MAD1L1: variants seen among roughly 807,000 people sequenced by gnomAD.
The protein encoded by MAD1L1 is mitotic arrest deficient 1 like 1.
Under a neutral mutation model 96.9 loss-of-function variants are expected in MAD1L1, and 95 were observed. That is an observed-to-expected ratio of 0.98 (90% CI 0.83 to 1.16). MAD1L1 has a LOEUF of 1.16. Among genes scored for constraint, MAD1L1 ranks in the 50% most tolerant of loss-of-function variants. MAD1L1 has a pLI of 0.00. For missense variants in MAD1L1, 1,007 were observed against 954.4 expected, an observed-to-expected ratio of 1.06 and a Z score of -0.73; for synonymous variants, 473 against 396.6, an observed-to-expected ratio of 1.19 and a Z score of -2.29.
intron 14 of MAD1L1, among the ~76,000 whole-genome samples, chr7:2,001,284 C>A (rs574075494): frequency 1.5e-4 from 23 of 152,378 alleles, no homozygotes; most frequent in African/African-American, 4.6e-4. Context: ...CATGCAGACA[C>A]ACGCACGCAC....
intron 18 of MAD1L1, among the ~76,000 whole-genome samples, chr7:1,873,052 C>A (rs368069058): frequency 6.6e-6 from 1 of 152,242 alleles, no homozygotes; most frequent in Admixed American, 6.5e-5. Context: ...CCAGCAATGA[C>A]GCAACGAGTC....
chr7:1,940,130 C>A (rs147189090), intron 16 of MAD1L1: 2 of 152,296 alleles, frequency 1.3e-5, no homozygotes, highest in Admixed American at 6.5e-5. Flanking sequence ...TGGCAGAGGC[C>A]GCCGCAGAGG....
chr7:1,891,286 G>C (rs1786522642), intron 18 of MAD1L1, among the ~76,000 whole-genome samples: 1 of 152,070 alleles, frequency 6.6e-6, no homozygotes, highest in Admixed American at 6.5e-5. Flanking sequence ...AGCACTTTAG[G>C]AGGCCGAGGA....
chr7:2,113,905 A>G (rs1454543276), intron 11 of MAD1L1, among the ~76,000 whole-genome samples: 1 of 152,220 alleles, frequency 6.6e-6, no homozygotes, highest in African/African-American at 2.4e-5. Context: ...CGACGACAGG[A>G]GAGACCGAGG....
chr7:2,130,306 A>G (rs535532127), intron 11 of MAD1L1, among the ~76,000 whole-genome samples: 1 of 152,314 alleles, frequency 6.6e-6, no homozygotes, highest in East Asian at 1.9e-4. Flanking sequence ...TAGCCTGGAC[A>G]CACAGCACCT....
intron 11 of MAD1L1, among the ~76,000 whole-genome samples, chr7:2,076,663 C>A (rs536273742): frequency 1.6e-4 from 24 of 151,958 alleles, no homozygotes; most frequent in African/African-American, 5.3e-4. Flanking sequence ...AGTTAGCCTG[C>A]AGCACAGTGA....
intron 18 of MAD1L1, among the ~76,000 whole-genome samples, chr7:1,863,750 G>A (rs761905361): frequency 1.3e-5 from 2 of 152,156 alleles, no homozygotes; most frequent in Non-Finnish European, 2.9e-5. Flanking sequence ...GTGGGCTCCC[G>A]TGCTCCTGCA....
intron 14 of MAD1L1, among the ~76,000 whole-genome samples, chr7:1,988,824 T>C (rs1781276736): frequency 6.6e-6 from 1 of 152,154 alleles, no homozygotes; most frequent in Admixed American, 6.5e-5. Context: ...TGGAAATCAT[T>C]CTCTCTGGCC....
intron 12 of MAD1L1, among the ~76,000 whole-genome samples, chr7:2,055,020 G>A (rs77636018): frequency 0.022 from 3,378 of 152,256 alleles, 129 homozygotes; most frequent in African/African-American, 0.077. Context: ...GGCAGGGCCC[G>A]AACTCCATCT....
At chr7:2,079,356 T>C (rs2128537228) in intron 11 of MAD1L1, among the ~76,000 whole-genome samples, 1 of 152,270 alleles carries the variant, frequency 6.6e-6, no homozygotes, top group African/African-American at 2.4e-5. Context: ...TACACATTTT[T>C]CTGAAAAAAA....
At chr7:1,824,862 A>G (rs1449534319) in intron 18 of MAD1L1, among the ~76,000 whole-genome samples, 2 of 151,952 alleles carry the variant, frequency 1.3e-5, no homozygotes, top group Non-Finnish European at 2.9e-5. Flanking sequence ...TCATGCACAC[A>G]TGGGGCGAGC....
At chr7:1,937,522 C>T (rs1778679499) in intron 16 of MAD1L1, among the ~76,000 whole-genome samples, 1 of 152,164 alleles carries the variant, frequency 6.6e-6, no homozygotes. Flanking sequence ...TGACCGACCC[C>T]CAGCAACAAG....
At chr7:1,934,744 G>A (rs917704874) in intron 17 of MAD1L1, among the ~76,000 whole-genome samples, 4 of 151,474 alleles carry the variant, frequency 2.6e-5, no homozygotes, top group Admixed American at 6.6e-5. Context: ...CCCGAGATGC[G>A]CAGAGACCCA....
intron 18 of MAD1L1, among the ~76,000 whole-genome samples, chr7:1,893,252 C>CGGCTGGGATGGGAAGTCCT (rs202220630): frequency 1.6e-4 from 18 of 115,070 alleles, no homozygotes; most frequent in African/African-American, 1.8e-4. Flanking sequence ...GGTTTGGTCC[C>CGGCTGGGATGGGAAGTCCT]GGCTGGGATG....
intron 13 of MAD1L1, among the ~76,000 whole-genome samples, chr7:2,008,310 G>A (rs1250109885): frequency 6.6e-6 from 1 of 152,200 alleles, no homozygotes; most frequent in East Asian, 1.9e-4. Context: ...ATCTGTGATG[G>A]AGGCAGTGGG....
intron 18 of MAD1L1, among the ~76,000 whole-genome samples, chr7:1,824,341 A>G (rs1312109499): frequency 7.9e-6 from 1 of 126,720 alleles, no homozygotes; most frequent in East Asian, 2.4e-4. Context: ...CCCTGGGCAC[A>G]CCGACACACC....
intron 17 of MAD1L1, among the ~76,000 whole-genome samples, chr7:1,907,436 T>C (rs1293500039): frequency 1.3e-5 from 2 of 152,244 alleles, no homozygotes; most frequent in African/African-American, 4.8e-5. Context: ...TGTTGGGATT[T>C]TCAGGCTTTA....
At chr7:1,875,449 G>T (rs1785334620) in intron 18 of MAD1L1, among the ~76,000 whole-genome samples, 1 of 152,166 alleles carries the variant, frequency 6.6e-6, no homozygotes. Context: ...TTGACTTGGG[G>T]GCGGGTCTGC....
chr7:1,946,120 G>A (rs1456608427), intron 16 of MAD1L1, among the ~76,000 whole-genome samples: 2 of 152,208 alleles, frequency 1.3e-5, no homozygotes, highest in African/African-American at 4.8e-5. Flanking sequence ...CAGGAGGCAA[G>A]ATCACTTCCT....
Sources: allele counts gnomAD v4.1 joint callset (sites outside exome capture counted in the v4.1 genomes callset), GRCh38; gene constraint gnomAD v4.1.1; transcripts MANE v1.5; gene names NCBI Gene and HGNC (gene_info 2026-07-23, HGNC 2026-07-21).